Variants in GPC6 observed in about 807,000 individuals in gnomAD.
GPC6 encodes glypican-6.
GPC6 carries 14 observed loss-of-function variants against 55.2 expected under a neutral mutation model. That is an observed-to-expected ratio of 0.25 (90% CI 0.17 to 0.40). The LOEUF (loss-of-function observed/expected upper bound fraction) is 0.40. Among genes scored for constraint, GPC6 ranks in the 10% least tolerant of loss-of-function variants. The pLI, the probability that GPC6 is intolerant of heterozygous loss-of-function variation, is 1.00. For missense variants in GPC6, 641 were observed against 708.5 expected (o/e 0.90, Z 1.08); for synonymous variants, 278 against 259.6 (o/e 1.07, Z -0.68).
At chr13:94,270,518 TA>T (rs1183702400) in intron 4 of GPC6, among the ~76,000 whole-genome samples, 1 of 152,234 alleles carries the variant, frequency 6.6e-6, no homozygotes. Context: ...CTATTAGAGT[TA>T]ACATCTGAAA....
chr13:93,358,451 A>C (rs1322365057), intron 1 of GPC6, among the ~76,000 whole-genome samples: 1 of 152,188 alleles, frequency 6.6e-6, no homozygotes, highest in Non-Finnish European at 1.5e-5. Context: ...AGAGGTGGCT[A>C]TCTTCCCCCT....
chr13:93,333,695 C>A (rs1879940397), intron 1 of GPC6, among the ~76,000 whole-genome samples: 1 of 152,068 alleles, frequency 6.6e-6, no homozygotes, highest in African/African-American at 2.4e-5. Flanking sequence ...TGCCACCATT[C>A]CCAGTTACAT....
chr13:94,378,720 AC>A (rs1431533750), intron 6 of GPC6, among the ~76,000 whole-genome samples: 1 of 152,328 alleles, frequency 6.6e-6, no homozygotes, highest in Admixed American at 6.5e-5. Flanking sequence ...TTGTTGTTTA[AC>A]TTCCAGAATC....
At chr13:93,500,439 G>C (rs1594216232) in intron 1 of GPC6, among the ~76,000 whole-genome samples, 1 of 152,106 alleles carries the variant, frequency 6.6e-6, no homozygotes, top group Non-Finnish European at 1.5e-5. Context: ...CTATGCCAGG[G>C]CCAGCTAGTA....
In GPC6 at chr13:93,424,132, G is replaced by A. The variant is rs117632032; in HGVS notation, c.161-121131G>A. On this transcript the variant is annotated intron_variant, in intron 1 of 8. Transcript: ENST00000377047. ...TGAGACAGATATTTGAGTGCAGGAA[G>A]TTTATCTCAAGAGAGAGAAAGAAAC... Among the ~76,000 whole-genome samples the A allele has an allele frequency of 7.0e-4, 106 of 152,322 alleles. No homozygotes were observed. The East Asian group carries it at 0.018, about 26-fold the overall frequency.
chr13:93,554,203 C>T (rs558530519), intron 2 of GPC6, among the ~76,000 whole-genome samples: 30 of 151,290 alleles, frequency 2.0e-4, no homozygotes, highest in South Asian at 4.2e-4. Context: ...CTGAAGATAT[C>T]CAGACTGTGA....
chr13:93,292,773 A>G (rs531415750), intron 1 of GPC6, among the ~76,000 whole-genome samples: 78 of 152,274 alleles, frequency 5.1e-4, no homozygotes, highest in African/African-American at 1.8e-3. Flanking sequence ...TTATACCCAT[A>G]TTCATTTAGT....
Position 93,485,463 on chromosome 13 carries a change from A to G in GPC6, c.161-59800A>G, listed in dbSNP as rs146534652. On this transcript the variant is annotated intron_variant, in intron 1 of 8. Transcript: ENST00000377047. ...CTCTTGAGAAGATGGAAAATATTAC[A>G]TGACCATTCATCTCAGATGCTGGAC... Among the ~76,000 whole-genome samples, 30 of 152,310 alleles carry G rather than the reference A, an allele frequency of 2.0e-4. No homozygotes were observed. In the East Asian group the frequency reaches 3.3e-3, roughly 17 times the overall value.
At chr13:93,922,909 A>G (rs1252405055) in intron 3 of GPC6, among the ~76,000 whole-genome samples, 1 of 152,198 alleles carries the variant, frequency 6.6e-6, no homozygotes. Flanking sequence ...CACAGACACC[A>G]TTCAATACCA....
chr13:93,841,235 A>G (rs979503251), intron 3 of GPC6, among the ~76,000 whole-genome samples: 3 of 152,224 alleles, frequency 2.0e-5, no homozygotes, highest in African/African-American at 7.2e-5. Context: ...ATAAAGCTTG[A>G]CAGATATATT....
At chr13:94,206,599 A>G (rs1225957085) in intron 4 of GPC6, among the ~76,000 whole-genome samples, 2 of 152,138 alleles carry the variant, frequency 1.3e-5, no homozygotes, top group Non-Finnish European at 2.9e-5. Context: ...CACACCTGTA[A>G]TCCTAGTGTG....
At chr13:93,309,451 T>C (rs992369633) in intron 1 of GPC6, among the ~76,000 whole-genome samples, 2 of 152,142 alleles carry the variant, frequency 1.3e-5, no homozygotes, top group African/African-American at 4.8e-5. Context: ...TTCTGTATTA[T>C]TTTAAAAGCA....
At chr13:93,542,456 G>A (rs1033470260) in intron 1 of GPC6, among the ~76,000 whole-genome samples, 176 of 152,232 alleles carry the variant, frequency 1.2e-3, no homozygotes, top group African/African-American at 4.1e-3. Context: ...GTCAGGTAGC[G>A]TGATGCCTCC....
chr13:93,341,986 G>A (rs552316233), intron 1 of GPC6, among the ~76,000 whole-genome samples: 2 of 149,418 alleles, frequency 1.3e-5, no homozygotes, highest in African/African-American at 4.9e-5. Context: ...GCCCAATTTT[G>A]GCTCACTGAG....
intron 2 of GPC6, among the ~76,000 whole-genome samples, chr13:93,697,720 A>T (rs9589813): frequency 6.6e-6 from 1 of 151,958 alleles, no homozygotes; most frequent in South Asian, 2.1e-4. Context: ...AATATCATAA[A>T]TTGCAGAGTC....
intron 2 of GPC6, among the ~76,000 whole-genome samples, chr13:93,640,688 G>A (rs191770488): frequency 8.4e-6 from 1 of 118,736 alleles, no homozygotes; most frequent in Non-Finnish European, 1.7e-5. Context: ...CTCCCTCCCC[G>A]CTCCCTGTTT....
intron 4 of GPC6, among the ~76,000 whole-genome samples, chr13:94,040,718 C>A (rs1883501233): frequency 6.6e-6 from 1 of 151,856 alleles, no homozygotes; most frequent in Non-Finnish European, 1.5e-5. Flanking sequence ...TGCATTCAGT[C>A]TTCCAGTTTC....
chr13:94,188,516 G>T (rs554929296), intron 4 of GPC6, among the ~76,000 whole-genome samples: 1 of 152,212 alleles, frequency 6.6e-6, no homozygotes, highest in Admixed American at 6.5e-5. Context: ...TTGAACTAAA[G>T]TTGAATAAAG....
At chr13:93,355,637 A>G (rs1028007792) in intron 1 of GPC6, among the ~76,000 whole-genome samples, 1 of 152,122 alleles carries the variant, frequency 6.6e-6, no homozygotes, top group East Asian at 1.9e-4. Context: ...AGGCTCTGAA[A>G]TGTTTTGAAA....
Sources: gnomAD v4.1 joint callset for allele counts (sites outside exome capture counted in the v4.1 genomes callset) on GRCh38, gnomAD v4.1.1 for gene constraint, MANE v1.5 for transcripts, NCBI Gene and HGNC (gene_info 2026-07-23, HGNC 2026-07-21) for gene names.